Variants in RNMT observed in about 807,000 individuals in gnomAD.
RNMT encodes the protein mRNA cap guanine-N(7) methyltransferase.
RNMT carries 27 observed loss-of-function variants against 56.0 expected under a neutral mutation model. The observed-to-expected ratio is 0.48, with a 90% confidence interval of 0.36 to 0.67. RNMT has a LOEUF of 0.67. RNMT is among the 30% of genes least tolerant of loss of function. The pLI is 0.00. For missense variants in RNMT, 519 were observed against 552.1 expected (o/e 0.94, Z 0.60); for synonymous variants, 184 against 176.2 (o/e 1.04, Z -0.35).
In RNMT at chr18:13,743,860, C is replaced by G. The variant is rs146616927; in HGVS notation, c.1139+1208C>G. 7.1e-3 allele frequency among the ~76,000 whole-genome samples: 1,083 copies of G among 151,740 alleles called. 10 individuals are homozygous for G. The highest frequency in any genetic ancestry group is 9.2e-3 in the Non-Finnish European group (628 of 67,966). ...TAGCTTATTCAATAATATAAGAAAG[C>G]CAAGTAGCATTGTGACTGAACATGA... On this transcript the variant is annotated intron_variant, in intron 8 of 11. Coordinates refer to ENST00000383314, the MANE Select transcript of RNMT (RefSeq NM_003799.3).
rs1568519676 is a variant in RNMT, at chr18:13,763,019, G to C, written c.*3040G>C. 1 of 454,612 alleles carries C rather than the reference G, an allele frequency of 2.2e-6. No individual in the cohort carries two copies. Among genetic ancestry groups the C allele is most frequent in the Non-Finnish European group, 4.4e-6 (1 of 226,078 alleles). 28.2% of individuals were successfully genotyped at this position (454,612 alleles called of 1,614,324 possible). ...GGGTTATCTCAAGCCAGTCACCACA[G>C]AGGGTCTCTAGGGTCTGCAAAATAG... On this transcript the variant is annotated 3_prime_UTR_variant, in exon 12 of 12. Transcript: ENST00000383314.
At chr18:13,746,428 T>C in intron 9 of RNMT, 91 bp downstream of exon 9, 1 of 770,214 alleles carries the variant, frequency 1.3e-6, no homozygotes, top group Non-Finnish European at 2.3e-6. Flanking sequence ...GAACATGAAA[T>C]AGTTATGTGT....
At chr18:13,732,881 C>T (rs2044097146) in intron 3 of RNMT, among the ~76,000 whole-genome samples, 1 of 151,730 alleles carries the variant, frequency 6.6e-6, no homozygotes, top group Non-Finnish European at 1.5e-5. Flanking sequence ...CCTGCCTCAG[C>T]CTCCCGAGTA....
chr18:13,758,833 G>C (rs1416629081), intron 11 of RNMT, among the ~76,000 whole-genome samples: 2 of 152,160 alleles, frequency 1.3e-5, no homozygotes, highest in Admixed American at 6.6e-5. Context: ...CTGATTTAAA[G>C]TGAGAGATGT....
At chr18:13,743,313 A>C in intron 8 of RNMT, among the ~76,000 whole-genome samples, 1 of 109,356 alleles carries the variant, frequency 9.1e-6, no homozygotes. Context: ...ACAGAGCGAA[A>C]CTCCGTCTCA....
rs184428647 is a variant in RNMT, at chr18:13,753,543, G to A, written c.1360-571G>A. Among the ~76,000 whole-genome samples, 19 of 152,016 alleles carry A rather than the reference G, an allele frequency of 1.2e-4. No homozygotes were observed. In the East Asian group the frequency reaches 1.5e-3, roughly 12 times the overall value. ...TCCCAGCACTTTGGGAGGCTGAGGC[G>A]GGCGGATCACAACGTCAGGAGATTG... On this transcript the variant is annotated intron_variant, in intron 10 of 11. Coordinates refer to ENST00000383314, the MANE Select transcript of RNMT (RefSeq NM_003799.3).
In RNMT at chr18:13,761,132, A is replaced by T; in HGVS notation, c.*1153A>T. The T allele has an allele frequency of 1.0e-6, 1 of 985,444 alleles. No individual in the cohort carries two copies. The highest frequency in any genetic ancestry group is 1.2e-6 in the Non-Finnish European group (1 of 829,904). 61.0% of individuals were successfully genotyped at this position (985,444 alleles called of 1,614,324 possible). A position where few individuals can be genotyped will look rare whatever the true frequency, so the allele number is the denominator to read the frequency against. ...AATTCACAATACTTGTTTTAAAAAC[A>T]TAGTGTCTTCATTAGTGTGCATCTA... On this transcript the variant is annotated 3_prime_UTR_variant, in exon 12 of 12. Transcript: ENST00000383314.
chr18:13,754,641 A>T (rs756862954), intron 11 of RNMT, among the ~76,000 whole-genome samples: 1 of 152,210 alleles, frequency 6.6e-6, no homozygotes. Flanking sequence ...GAGAAGATAC[A>T]CTGTACACAG....
rs78264345 is a variant in RNMT at position 13,760,372 on chromosome 18, A to G, written c.*393A>G. ...ATAGAATTGGTCAGAGAGCATTTTCATAGTGTGCTCATTTCTATGGTTTTG... is the reference window on the plus strand; with the variant it reads ...ATAGAATTGGTCAGAGAGCATTTTCGTAGTGTGCTCATTTCTATGGTTTTG... On this transcript the variant is annotated 3_prime_UTR_variant, in exon 12 of 12. Transcript: ENST00000383314. 1,918 of 998,510 alleles carry G rather than the reference A, an allele frequency of 1.9e-3. 32 individuals are homozygous for G. In the African/African-American group the frequency reaches 0.031, roughly 16 times the overall value. The allele number at this position is 998,510 out of a possible 1,614,324, so 61.9% of individuals were successfully genotyped here.
intron 5 of RNMT, among the ~76,000 whole-genome samples, chr18:13,739,796 A>T (rs890064027): frequency 6.6e-6 from 1 of 152,190 alleles, no homozygotes; most frequent in African/African-American, 2.4e-5. Context: ...AAAAAAGAAA[A>T]AAAGAAAAGG....
chr18:13,736,312 C>G (rs2044157000), intron 4 of RNMT, among the ~76,000 whole-genome samples: 1 of 152,114 alleles, frequency 6.6e-6, no homozygotes, highest in East Asian at 1.9e-4. Flanking sequence ...AGTATTGTAT[C>G]AAGTTTTAGA....
rs1291328721 is a variant in RNMT at position 13,734,556 on chromosome 18, T to C, written c.510T>C (p.Phe170=). ...AGAAGCGTAGTCAAAGTCGTATTTT[T>C]TACCTAAGAAACTTTAATAATTGGA... The part of the protein sequence containing the change: ...GLEKRSQSRI[F]YLRNFNNWMK... The change falls in exon 4 of 12, where the codon TTT becomes TTC. Residue 170 remains phenylalanine (F), a synonymous_variant. Transcript: ENST00000383314. 1 of 1,613,760 alleles carries C rather than the reference T, an allele frequency of 6.2e-7. No individual in the cohort carries two copies. Among genetic ancestry groups the C allele is most frequent in the Admixed American group, 1.7e-5 (1 of 60,002 alleles).
In RNMT at chr18:13,731,804, G is replaced by T. The variant is rs1313935398; in HGVS notation, c.287G>T (p.Gly96Val). The T allele has an allele frequency of 1.9e-6, 3 of 1,613,702 alleles. No individual in the cohort carries two copies. The highest frequency in any genetic ancestry group is 2.5e-6 in the Non-Finnish European group (3 of 1,179,942). The change falls in exon 3 of 12, where the codon GGT becomes GTT. Residue 96 changes from glycine to valine, a missense_variant. Coordinates refer to ENST00000383314, the MANE Select transcript of RNMT (RefSeq NM_003799.3). ...ATTGTCCCAGAGGAAAAAGATTGTGGTGATGCTGAAGGCAATTCAAAGAAA... is the reference window on the plus strand; with the variant it reads ...ATTGTCCCAGAGGAAAAAGATTGTGTTGATGCTGAAGGCAATTCAAAGAAA... ...PEIVPEEKDCGDAEGNSKKRK... is the reference protein window; with the variant it reads ...PEIVPEEKDCVDAEGNSKKRK...
intron 11 of RNMT, 120 bp downstream of exon 11, chr18:13,754,267 G>A: frequency 1.7e-6 from 1 of 605,680 alleles, no homozygotes. Context: ...AGTATTTTGG[G>A]ATGCCGAGAC....
chr18:13,734,293 A>G (rs944019673), intron 3 of RNMT, among the ~76,000 whole-genome samples, 171 bp from the exon 4 acceptor site: 3 of 152,212 alleles, frequency 2.0e-5, no homozygotes, highest in Non-Finnish European at 4.4e-5. Context: ...GGACACAGAA[A>G]ACAAATCTTA....
rs2044615933 is a variant in RNMT, at chr18:13,761,301, A to T, written c.*1322A>T. 3.0e-6 allele frequency: 3 copies of T among 985,316 alleles called. No individual in the cohort carries two copies. The South Asian group carries it at 1.4e-4, about 46-fold the overall frequency. 61.0% of individuals were successfully genotyped at this position (985,316 alleles called of 1,614,324 possible). Reference sequence around the variant, plus strand: ...GTCTTTTTGCCTTAAGTCATTTTGGAAATAAGTAATACTGCATCTGACTCT... The same window carrying T: ...GTCTTTTTGCCTTAAGTCATTTTGGTAATAAGTAATACTGCATCTGACTCT... On this transcript the variant is annotated 3_prime_UTR_variant, in exon 12 of 12. Coordinates refer to ENST00000383314, the MANE Select transcript of RNMT (RefSeq NM_003799.3).
intron 8 of RNMT, 90 bp from the exon 9 acceptor site, chr18:13,746,130 A>G: frequency 1.5e-6 from 1 of 687,312 alleles, no homozygotes; most frequent in Non-Finnish European, 2.6e-6. Flanking sequence ...TTTTTTAGTT[A>G]AGTCCAGAAG....
chr18:13,745,251 G>T (rs2044332688), intron 8 of RNMT, among the ~76,000 whole-genome samples: 1 of 152,152 alleles, frequency 6.6e-6, no homozygotes, highest in African/African-American at 2.4e-5. Context: ...CATGACTCAG[G>T]TCCGCATTTC....
chr18:13,756,909 G>A (rs1378400613), intron 11 of RNMT, among the ~76,000 whole-genome samples: 3 of 152,134 alleles, frequency 2.0e-5, no homozygotes, highest in African/African-American at 7.2e-5. Flanking sequence ...GATGTTTGCA[G>A]GATTTGTCAC....
Sources: allele counts gnomAD v4.1 joint callset (sites outside exome capture counted in the v4.1 genomes callset), GRCh38; gene constraint gnomAD v4.1.1; transcripts MANE v1.5; gene names NCBI Gene and HGNC (gene_info 2026-07-23, HGNC 2026-07-21).